The following HAVCR1 variants were observed in gnomAD, a reference collection of about 807,000 sequenced individuals.
The protein encoded by HAVCR1 is T cell immunoglobin domain and mucin domain protein 1.
A neutral mutation model predicts 32.0 loss-of-function variants in HAVCR1; 34 were observed. The ratio of observed to expected loss-of-function variants is 1.06; its 90% CI spans 0.81 to 1.42. The LOEUF (loss-of-function observed/expected upper bound fraction) is 1.42, where lower values mean the gene tolerates loss of function less well. HAVCR1 is among the 40% of genes most tolerant of loss of function. HAVCR1 has a pLI of 0.00. For missense variants in HAVCR1, 420 were observed against 442.3 expected (o/e 0.95, Z 0.45); for synonymous variants, 178 against 170.3 (o/e 1.05, Z -0.35).
chr5:157,047,891 C>T (rs1755502051), intron 5 of HAVCR1, among the ~76,000 whole-genome samples: 1 of 152,090 alleles, frequency 6.6e-6, no homozygotes, highest in African/African-American at 2.4e-5. Context: ...GTCTTGGGGA[C>T]TGAGCCCCTT....
chr5:157,035,591 T>C (rs1460460523), intron 7 of HAVCR1, among the ~76,000 whole-genome samples: 1 of 152,030 alleles, frequency 6.6e-6, no homozygotes, highest in African/African-American at 2.4e-5. Flanking sequence ...GCTAAATGAG[T>C]GTTGCAAAAT....
intron 2 of HAVCR1, among the ~76,000 whole-genome samples, chr5:157,057,386 GGAAAGAAAGAAAGAAAGAAAGAAAGAAA>G (rs544010943): frequency 0.049 from 3,924 of 79,412 alleles, 140 homozygotes; most frequent in Non-Finnish European, 0.066. Context: ...GAGAGAGAGA[GGAAAGAAAGAAAGAAAGAAAGAAAGAAA>G]GAAAGAAAGA....
chr5:157,043,086 C>A (rs965830904), intron 5 of HAVCR1, among the ~76,000 whole-genome samples: 2 of 152,096 alleles, frequency 1.3e-5, no homozygotes, highest in Admixed American at 6.5e-5. Flanking sequence ...CATGTACATC[C>A]AAAAACCAGA....
At chr5:157,043,404 G>A (rs1755035331) in intron 5 of HAVCR1, among the ~76,000 whole-genome samples, 1 of 152,180 alleles carries the variant, frequency 6.6e-6, no homozygotes, top group South Asian at 2.1e-4. Flanking sequence ...GGTGGCTCAT[G>A]CCTATAAACC....
chr5:157,044,686 GAGGA>G (rs1184792264), intron 5 of HAVCR1, among the ~76,000 whole-genome samples: 71 of 106,492 alleles, frequency 6.7e-4, no homozygotes, highest in Admixed American at 1.7e-3. Flanking sequence ...AGGAGGGAGG[GAGGA>G]AGGAAGGAAG....
intron 1 of HAVCR1, 168 bp from the exon 2 acceptor site, chr5:157,058,123 T>C: frequency 1.7e-6 from 1 of 595,418 alleles, no homozygotes. Flanking sequence ...CAGAGCTCTG[T>C]TAGTTCCCTG....
intron 5 of HAVCR1, among the ~76,000 whole-genome samples, chr5:157,048,674 C>CA (rs1389458593): frequency 4.6e-5 from 7 of 151,970 alleles, no homozygotes; most frequent in African/African-American, 1.7e-4. Context: ...ACTAAAAATA[C>CA]AAAAAATTAG....
At chr5:157,054,539 CTCAAGGTGAATAA>C (rs1405775258) in intron 3 of HAVCR1, among the ~76,000 whole-genome samples, 1 of 152,030 alleles carries the variant, frequency 6.6e-6, no homozygotes, top group African/African-American at 2.4e-5. Flanking sequence ...AGGACAGTTC[CTCAAGGTGAATAA>C]ATTCAGCTTG....
chr5:157,036,969 T>C (rs1754573004), intron 7 of HAVCR1, among the ~76,000 whole-genome samples: 1 of 152,150 alleles, frequency 6.6e-6, no homozygotes, highest in African/African-American at 2.4e-5. Flanking sequence ...CAAGCAATCC[T>C]CCTGCCTCAC....
chr5:157,061,417 G>A (rs187018935), upstream of HAVCR1, among the ~76,000 whole-genome samples: 289 of 152,154 alleles, frequency 1.9e-3, 2 homozygotes, highest in African/African-American at 6.1e-3. Context: ...CTCCTTTAAG[G>A]CAATTTAAGT....
intron 1 of HAVCR1, chr5:157,058,221 C>G (rs923962045): frequency 7.6e-6 from 3 of 392,932 alleles, no homozygotes; most frequent in Non-Finnish European, 1.4e-5. Flanking sequence ...CCACACATAA[C>G]CGCCAAACTG....
intron 5 of HAVCR1, among the ~76,000 whole-genome samples, chr5:157,044,024 G>A (rs1484219918): frequency 6.6e-6 from 1 of 152,010 alleles, no homozygotes; most frequent in Non-Finnish European, 1.5e-5. Flanking sequence ...TACTGCTTCT[G>A]AGGCTTCCTA....
At chr5:157,061,970 A>G (rs1756499098), upstream of HAVCR1, among the ~76,000 whole-genome samples, 1 of 152,212 alleles carries the variant, frequency 6.6e-6, no homozygotes, top group African/African-American at 2.4e-5. Flanking sequence ...ACCATCTCCC[A>G]TGAGAGACGC....
At chr5:157,067,758 G>A in the HAVCR1 span, among the ~76,000 whole-genome samples, 1 of 151,828 alleles carries the variant, frequency 6.6e-6, no homozygotes, top group Non-Finnish European at 1.5e-5. Flanking sequence ...GCTCGATCTC[G>A]GCCCACTGCA....
chr5:157,067,679 TTTTC>T, the HAVCR1 span, among the ~76,000 whole-genome samples: 1 of 80,916 alleles, frequency 1.2e-5, no homozygotes. Context: ...CTCTCTCTCT[TTTTC>T]TTTATTTTTA....
In HAVCR1 at chr5:157,058,934, C is replaced by A. The variant is rs1756394583; in HGVS notation, c.-26G>T. Reference sequence around the variant, plus strand: ...GAGCAGACTTACGTTCAGATCCAGGCTCTGTCACTCACAATGCTGGGTAAC... The same window carrying A: ...GAGCAGACTTACGTTCAGATCCAGGATCTGTCACTCACAATGCTGGGTAAC... On this transcript the variant is annotated 5_prime_UTR_variant, in exon 1 of 9. Coordinates refer to ENST00000523175, the MANE Select transcript of HAVCR1 (RefSeq NM_001173393.3). The A allele has an allele frequency of 6.6e-6, 1 of 152,212 alleles. No individual in the cohort carries two copies. The highest frequency in any genetic ancestry group is 1.5e-5 in the Non-Finnish European group (1 of 68,048). The allele number at this position is 152,212 out of a possible 1,614,324, so 9.4% of individuals were successfully genotyped here. A position where few individuals can be genotyped will look rare whatever the true frequency, so the allele number is the denominator to read the frequency against.
At chr5:157,035,834 G>A (rs1754494155) in intron 7 of HAVCR1, among the ~76,000 whole-genome samples, 2 of 151,844 alleles carry the variant, frequency 1.3e-5, no homozygotes, top group Non-Finnish European at 1.5e-5. Context: ...TAATAATACA[G>A]ATAAAAACAA....
upstream of HAVCR1, among the ~76,000 whole-genome samples, chr5:157,060,207 C>T (rs1756448116): frequency 6.6e-6 from 1 of 151,706 alleles, no homozygotes; most frequent in Non-Finnish European, 1.5e-5. Flanking sequence ...CCTCTCATAA[C>T]TCTCTCAGAA....
intron 6 of HAVCR1, among the ~76,000 whole-genome samples, chr5:157,039,074 C>T (rs1037727834): frequency 5.3e-5 from 8 of 152,108 alleles, no homozygotes; most frequent in African/African-American, 1.9e-4. Context: ...GAGCTGTGAT[C>T]GTGCCACTGC....
Sources: gnomAD v4.1 joint callset for allele counts (sites outside exome capture counted in the v4.1 genomes callset) on GRCh38, gnomAD v4.1.1 for gene constraint, MANE v1.5 for transcripts, NCBI Gene and HGNC (gene_info 2026-07-23, HGNC 2026-07-21) for gene names.